ZNF780B: variants seen among roughly 807,000 people sequenced by gnomAD.
ZNF780B encodes zinc finger protein 779.
Under a neutral mutation model 74.1 loss-of-function variants are expected in ZNF780B, and 52 were observed. The observed-to-expected ratio is 0.70, with a 90% CI of 0.56 to 0.88. The LOEUF (loss-of-function observed/expected upper bound fraction) is 0.88. Ranked by LOEUF, ZNF780B falls within the 40% of genes least tolerant of loss-of-function variation. The pLI is 0.00. For missense variants in ZNF780B, 953 were observed against 1,007.6 expected, an observed-to-expected ratio of 0.95 and a Z score of 0.73; for synonymous variants, 315 against 324.3, an observed-to-expected ratio of 0.97 and a Z score of 0.31.
At chr19:40,049,308 G>T (rs578013320) in intron 2 of ZNF780B, among the ~76,000 whole-genome samples, 1 of 150,820 alleles carries the variant, frequency 6.6e-6, no homozygotes, top group East Asian at 1.9e-4. Context: ...AGCTTACTGT[G>T]GTATCAGATG....
At chr19:40,052,917 A>G (rs1973299228) in intron 1 of ZNF780B, among the ~76,000 whole-genome samples, 1 of 152,178 alleles carries the variant, frequency 6.6e-6, no homozygotes, top group Non-Finnish European at 1.5e-5. Flanking sequence ...CTTTTCTCAA[A>G]CCATTATACA....
chr19:40,035,094 C>T lies in ZNF780B; in HGVS notation c.1765G>A (p.Glu589Lys). 2 of 1,614,098 alleles carry T rather than the reference C, an allele frequency of 1.2e-6. No homozygotes were observed. Among genetic ancestry groups the T allele is most frequent in the Non-Finnish European group, 1.7e-6 (2 of 1,179,984 alleles). The change falls in exon 5 of 5, where the codon GAA becomes AAA. Residue 589 changes from glutamate (E) to lysine (K), a missense_variant. Glu to Lys is a moderately conservative substitution (Grantham distance 56). Transcript: ENST00000434248. ...HTGKKPFECK[E>K]CGKAFRLHMH... The stretch of plus-strand genomic sequence containing the variant: ...TGAAGTCGAAAGGCTTTCCCACATT[C>T]CTTACATTCAAAGGGTTTCTTTCCG...
rs1971968910 is a variant in ZNF780B, at chr19:40,030,566, G to T, written c.*3791C>A. 1 of 152,172 alleles carries T rather than the reference G, an allele frequency of 6.6e-6. No homozygotes were observed. Among genetic ancestry groups the T allele is most frequent in the Non-Finnish European group, 1.5e-5 (1 of 68,036 alleles). The allele number at this position is 152,172 out of a possible 1,614,324, so 9.4% of individuals were successfully genotyped here. A position where few individuals can be genotyped will look rare whatever the true frequency, so the allele number is the denominator to read the frequency against. On this transcript the variant is annotated 3_prime_UTR_variant, in exon 5 of 5. Coordinates refer to ENST00000434248, the MANE Select transcript of ZNF780B (RefSeq NM_001005851.3). ...AAAATTATAAGTCAAACCATTTTAA[G>T]TTGGGGATTACAGGCGTGAGCCACC...
intron 1 of ZNF780B, among the ~76,000 whole-genome samples, chr19:40,055,795 C>A (rs73040556): frequency 0.075 from 11,423 of 152,214 alleles, 454 homozygotes; most frequent in Non-Finnish European, 0.08. Flanking sequence ...TCTAACCTCC[C>A]TACTGGGGAC....
chr19:40,051,298 A>AT (rs137969637), intron 1 of ZNF780B, among the ~76,000 whole-genome samples: 1 of 151,844 alleles, frequency 6.6e-6, no homozygotes, highest in African/African-American at 2.4e-5. Flanking sequence ...GTACATACAC[A>AT]TTTTTTTTCT....
rs1022477286 is a variant in ZNF780B at position 40,034,251 on chromosome 19, C to T, written c.*106G>A. 5.1e-6 allele frequency: 5 copies of T among 972,138 alleles called. No individual in the cohort carries two copies. In the Admixed American group the frequency reaches 1.0e-4, roughly 20 times the overall value. The allele number at this position is 972,138 out of a possible 1,614,324, so 60.2% of individuals were successfully genotyped here. A position where few individuals can be genotyped will look rare whatever the true frequency, so the allele number is the denominator to read the frequency against. Reference sequence around the variant, plus strand: ...TCTACCACTGGTAAAGCATTTCCCACATCCTTGACATTCATAAGGGTTCTC... The same window carrying T: ...TCTACCACTGGTAAAGCATTTCCCATATCCTTGACATTCATAAGGGTTCTC... On this transcript the variant is annotated 3_prime_UTR_variant, in exon 5 of 5. Transcript: ENST00000434248.
At chr19:40,046,831 C>T (rs137892996) in intron 4 of ZNF780B, among the ~76,000 whole-genome samples, 14 of 152,292 alleles carry the variant, frequency 9.2e-5, no homozygotes, top group South Asian at 4.1e-4. Flanking sequence ...TCTAGGAATG[C>T]GCACTCTATA....
rs562676865 is a variant in ZNF780B, at chr19:40,040,654, G to A, written c.233-4028C>T. Among the ~76,000 whole-genome samples, 16 of 152,146 alleles carry A rather than the reference G, an allele frequency of 1.1e-4. No homozygotes were observed. The East Asian group carries it at 1.7e-3, about 17-fold the overall frequency. On this transcript the variant is annotated intron_variant, in intron 4 of 4. Coordinates refer to ENST00000434248, the MANE Select transcript of ZNF780B (RefSeq NM_001005851.3). ...TTAGTCTTGGGAGGGTGTATGTGTC[G>A]AGGAATTTATCCATTTCTTCTAGAT...
chr19:40,051,459 T>G (rs1973230671), intron 1 of ZNF780B, among the ~76,000 whole-genome samples: 1 of 152,202 alleles, frequency 6.6e-6, no homozygotes, highest in East Asian at 1.9e-4. Context: ...TGACCAACAC[T>G]AAGATGTCTA....
chr19:40,032,183 T>C lies in ZNF780B; in HGVS notation c.*2174A>G, dbSNP rs1482532473. On this transcript the variant is annotated 3_prime_UTR_variant, in exon 5 of 5. Transcript: ENST00000434248. ...CATTTTTTTAAAATGAGAAATGTTC[T>C]AGACCAGTGGCTCTCTAACTCTGGT... 4.9e-6 allele frequency: 2 copies of C among 408,742 alleles called. No homozygotes were observed. The highest frequency in any genetic ancestry group is 6.1e-5 in the Admixed American group (2 of 33,050). 25.3% of individuals were successfully genotyped at this position (408,742 alleles called of 1,614,324 possible). A position where few individuals can be genotyped will look rare whatever the true frequency, so the allele number is the denominator to read the frequency against.
chr19:40,047,492 T>A, intron 3 of ZNF780B, 22 bp from the exon 4 acceptor site: 1 of 1,545,294 alleles, frequency 6.5e-7, no homozygotes. Context: ...AAATAACACA[T>A]GTAGAATTTT....
At position 40,036,629 on chromosome 19, in the gene ZNF780B, G is replaced by C. The variant is rs1440432089; in HGVS notation, c.233-3C>G. 2 of 1,502,964 alleles carry C rather than the reference G, an allele frequency of 1.3e-6. No homozygotes were observed. The highest frequency in any genetic ancestry group is 8.9e-7 in the Non-Finnish European group (1 of 1,125,454). 93.1% of individuals were successfully genotyped at this position (1,502,964 alleles called of 1,614,324 possible). ...AGGTCCATATTTTGACTCCAAATCT[G>C]AAAGAAATGAAGAAGGCAAACCTAT... is the stretch of plus-strand genomic sequence containing the variant. On this transcript the variant is annotated splice_region_variant and splice_polypyrimidine_tract_variant and intron_variant, in intron 4 of 4. Coordinates refer to ENST00000434248, the MANE Select transcript of ZNF780B (RefSeq NM_001005851.3).
At chr19:40,042,005 T>A (rs1202634857) in intron 4 of ZNF780B, among the ~76,000 whole-genome samples, 1 of 152,224 alleles carries the variant, frequency 6.6e-6, no homozygotes. Context: ...CTAGCCTTGA[T>A]GGTCTTTACA....
intron 4 of ZNF780B, among the ~76,000 whole-genome samples, chr19:40,039,946 T>A (rs1449449572): frequency 6.6e-6 from 1 of 152,188 alleles, no homozygotes; most frequent in East Asian, 1.9e-4. Context: ...TCCAACACTA[T>A]GTTGAACAGG....
Position 40,028,551 on chromosome 19 carries a change from A to G in ZNF780B, c.*5806T>C, listed in dbSNP as rs898044815. On this transcript the variant is annotated 3_prime_UTR_variant, in exon 5 of 5. Coordinates refer to ENST00000434248, the MANE Select transcript of ZNF780B (RefSeq NM_001005851.3). ...TGGAATTACAGAACATAAAAGATAT[A>G]ATGATGGTTATTACTTTTTACATGT... 1 of 152,228 alleles carries G rather than the reference A, an allele frequency of 6.6e-6. No homozygotes were observed. The highest frequency in any genetic ancestry group is 2.4e-5 in the African/African-American group (1 of 41,466). 9.4% of individuals were successfully genotyped at this position (152,228 alleles called of 1,614,324 possible). A position where few individuals can be genotyped will look rare whatever the true frequency, so the allele number is the denominator to read the frequency against.
Position 40,031,924 on chromosome 19 carries a change from T to G in ZNF780B, c.*2433A>C, listed in dbSNP as rs1599755087. 2 of 359,852 alleles carry G rather than the reference T, an allele frequency of 5.6e-6. No homozygotes were observed. The highest frequency in any genetic ancestry group is 1.5e-4 in the East Asian group (2 of 13,740). 22.3% of individuals were successfully genotyped at this position (359,852 alleles called of 1,614,324 possible). On this transcript the variant is annotated 3_prime_UTR_variant, in exon 5 of 5. Transcript: ENST00000434248. Reference sequence around the variant, plus strand: ...ACCAGCTTACCCAAATGATCATCCTTAGTTTCACTAATGCAAGGACCTGTA... The same window carrying G: ...ACCAGCTTACCCAAATGATCATCCTGAGTTTCACTAATGCAAGGACCTGTA...
intron 1 of ZNF780B, among the ~76,000 whole-genome samples, chr19:40,052,365 A>T (rs1279596905): frequency 6.6e-6 from 1 of 152,188 alleles, no homozygotes. Flanking sequence ...TCAATGTTCT[A>T]TCTAGATCAA....
chr19:40,046,671 A>G (rs371194641), intron 4 of ZNF780B, among the ~76,000 whole-genome samples: 1 of 152,124 alleles, frequency 6.6e-6, no homozygotes, highest in Non-Finnish European at 1.5e-5. Context: ...TCTCTATAGC[A>G]TGATTATTTG....
At chr19:40,046,266 A>G (rs1486513314) in intron 4 of ZNF780B, among the ~76,000 whole-genome samples, 1 of 152,242 alleles carries the variant, frequency 6.6e-6, no homozygotes, top group African/African-American at 2.4e-5. Flanking sequence ...CCTATCAGAA[A>G]GAAATGATAA....
Sources: allele counts gnomAD v4.1 joint callset (sites outside exome capture counted in the v4.1 genomes callset), GRCh38; gene constraint gnomAD v4.1.1; transcripts MANE v1.5; gene names NCBI Gene and HGNC (gene_info 2026-07-23, HGNC 2026-07-21).